The following MILR1 variants were observed in gnomAD, a reference collection of about 807,000 sequenced individuals.
MILR1 encodes the protein allergin-1.
A neutral mutation model predicts 18.5 loss-of-function variants in MILR1; 31 were observed. The observed-to-expected ratio is 1.68, with a 90% CI of 1.26 to 2.26. The LOEUF (loss-of-function observed/expected upper bound fraction) is 2.26, where lower values mean the gene tolerates loss of function less well. MILR1 is among the 30% of genes most tolerant of loss of function. MILR1 has a pLI of 0.00. For missense variants in MILR1, 257 were observed against 157.4 expected (o/e 1.63, Z -3.38); for synonymous variants, 85 against 56.2 (o/e 1.51, Z -2.30).
chr17:64,492,697 C>A, the MILR1 span: 2 of 1,612,012 alleles, frequency 1.2e-6, no homozygotes, highest in Admixed American at 3.3e-5. Flanking sequence ...GATGACGTAA[C>A]CAGAAATCAA....
intron 2 of MILR1, among the ~76,000 whole-genome samples, chr17:64,451,080 C>A (rs1451631972): frequency 6.6e-6 from 1 of 152,030 alleles, no homozygotes; most frequent in African/African-American, 2.4e-5. Context: ...GGGTGAGTTT[C>A]CCCACCCACT....
downstream of MILR1, among the ~76,000 whole-genome samples, chr17:64,473,366 AG>A (rs11340622): frequency 0.04 from 3,847 of 97,284 alleles, 225 homozygotes; most frequent in African/African-American, 0.33. Flanking sequence ...AAAAAAAAAA[AG>A]AAGAAGTTAT....
intron 1 of MILR1, 33 bp downstream of exon 1, chr17:64,449,256 C>T (rs2037111699): frequency 2.1e-6 from 1 of 473,640 alleles, no homozygotes; most frequent in East Asian, 3.1e-5. Context: ...AGGCTCGAAC[C>T]TCCAAGCCAA....
the MILR1 span, among the ~76,000 whole-genome samples, chr17:64,483,223 A>C: frequency 6.6e-6 from 1 of 152,270 alleles, no homozygotes; most frequent in East Asian, 1.9e-4. Context: ...GGCAGAAAGA[A>C]ATTAATTTGG....
chr17:64,496,793 G>A, the MILR1 span: 2 of 1,613,784 alleles, frequency 1.2e-6, no homozygotes, highest in South Asian at 2.2e-5. Context: ...AGACCCGGGG[G>A]CTTCTGGGTG....
At chr17:64,477,805 T>C in the MILR1 span, 3 of 1,549,406 alleles carry the variant, frequency 1.9e-6, no homozygotes, top group Non-Finnish European at 1.7e-6. Flanking sequence ...AGAATATTTA[T>C]TATACAAATA....
the MILR1 span, chr17:64,477,791 GA>G: frequency 1.4e-5 from 21 of 1,530,606 alleles, no homozygotes; most frequent in Admixed American, 1.6e-4. Flanking sequence ...CAAATTAGGA[GA>G]GAAGAATATT....
the MILR1 span, chr17:64,490,717 C>A: frequency 8.0e-6 from 9 of 1,121,924 alleles, no homozygotes; most frequent in Non-Finnish European, 1.2e-5. Flanking sequence ...ACCACGTTTG[C>A]ACCTTATTCT....
At chr17:64,477,336 C>T in the MILR1 span, among the ~76,000 whole-genome samples, 7 of 152,256 alleles carry the variant, frequency 4.6e-5, no homozygotes, top group East Asian at 9.6e-4. Context: ...AGACATCTCC[C>T]GACTGGGATG....
At chr17:64,486,392 GCT>G in the MILR1 span, among the ~76,000 whole-genome samples, 2 of 147,402 alleles carry the variant, frequency 1.4e-5, no homozygotes. Flanking sequence ...ACAGAGTCTC[GCT>G]CTGTCACCCA....
chr17:64,455,126 A>G (rs2037260462), intron 3 of MILR1, among the ~76,000 whole-genome samples: 1 of 152,234 alleles, frequency 6.6e-6, no homozygotes, highest in Admixed American at 6.5e-5. Flanking sequence ...ATGTGAGGGC[A>G]GGAACACAGC....
the MILR1 span, chr17:64,487,487 G>T: frequency 6.6e-6 from 1 of 152,004 alleles, no homozygotes; most frequent in Admixed American, 6.6e-5. Context: ...GGTGGTGCAT[G>T]CTTGTAATCC....
intron 2 of MILR1, among the ~76,000 whole-genome samples, chr17:64,452,094 T>TTG (rs1555660861): frequency 1.3e-5 from 2 of 150,926 alleles, no homozygotes; most frequent in East Asian, 1.9e-4. Flanking sequence ...TTTTTTTTTT[T>TTG]TTTGTTCTGT....
chr17:64,482,360 C>T, the MILR1 span, among the ~76,000 whole-genome samples: 63 of 146,412 alleles, frequency 4.3e-4, no homozygotes, highest in African/African-American at 1.3e-3. Flanking sequence ...GAGTCTCTGT[C>T]GCCCAGGCTG....
chr17:64,485,651 C>T, the MILR1 span: 1 of 1,141,710 alleles, frequency 8.8e-7, no homozygotes, highest in South Asian at 1.2e-5. Context: ...ATGTTAGAAA[C>T]CGAGCACACT....
At chr17:64,458,904 G>C (rs1223656661) in intron 4 of MILR1, among the ~76,000 whole-genome samples, 5 of 152,290 alleles carry the variant, frequency 3.3e-5, no homozygotes, top group African/African-American at 9.6e-5. Context: ...CAAGGGAGCT[G>C]TTTATGGGGG....
At chr17:64,450,612 T>A (rs967183840) in intron 2 of MILR1, among the ~76,000 whole-genome samples, 4 of 152,076 alleles carry the variant, frequency 2.6e-5, no homozygotes, top group African/African-American at 4.8e-5. Context: ...CCCGAGTAGC[T>A]GGGATTACAG....
the MILR1 span, chr17:64,493,033 TA>T: frequency 1.2e-6 from 2 of 1,613,972 alleles, no homozygotes; most frequent in Non-Finnish European, 1.7e-6. Context: ...TGTCAAAAGA[TA>T]AATCAATCAT....
chr17:64,464,470 C>G (rs1412865589), intron 5 of MILR1, among the ~76,000 whole-genome samples: 1 of 151,858 alleles, frequency 6.6e-6, no homozygotes, highest in African/African-American at 2.4e-5. Flanking sequence ...GAATTCCTGG[C>G]TTCAAGTGAT....
Sources: allele counts gnomAD v4.1 joint callset (sites outside exome capture counted in the v4.1 genomes callset), GRCh38; gene constraint gnomAD v4.1.1; transcripts MANE v1.5; gene names NCBI Gene and HGNC (gene_info 2026-07-23, HGNC 2026-07-21).